Variants in CNTN5 observed in about 807,000 individuals in gnomAD.
CNTN5 encodes the protein contactin 5.
A neutral mutation model predicts 129.1 loss-of-function variants in CNTN5; 77 were observed. The ratio of observed to expected loss-of-function variants is 0.60; its 90% CI spans 0.50 to 0.72. The LOEUF is 0.72. Ranked by LOEUF, CNTN5 falls within the 30% of genes least tolerant of loss-of-function variation. The pLI is 0.00. For missense variants in CNTN5, 1,478 were observed against 1,328.8 expected (o/e 1.11, Z -1.75); for synonymous variants, 509 against 465.6 (o/e 1.09, Z -1.20).
intron 4 of CNTN5, among the ~76,000 whole-genome samples, chr11:99,842,304 A>G (rs1305055935): frequency 6.6e-6 from 1 of 152,216 alleles, no homozygotes; most frequent in Non-Finnish European, 1.5e-5. Context: ...GATATTATGC[A>G]TGAGAAGTAT....
chr11:99,191,884 T>C (rs1858661184), intron 1 of CNTN5, among the ~76,000 whole-genome samples: 1 of 151,696 alleles, frequency 6.6e-6, no homozygotes, highest in Non-Finnish European at 1.5e-5. Flanking sequence ...AACTTAACAT[T>C]TTCCTCAAGT....
At chr11:99,056,157 C>T (rs1353700470) in intron 1 of CNTN5, among the ~76,000 whole-genome samples, 1 of 151,642 alleles carries the variant, frequency 6.6e-6, no homozygotes, top group Non-Finnish European at 1.5e-5. Context: ...TACTTTATTT[C>T]AAACTATAAA....
At chr11:99,940,068 C>A (rs1950401105) in intron 7 of CNTN5, among the ~76,000 whole-genome samples, 1 of 152,088 alleles carries the variant, frequency 6.6e-6, no homozygotes, top group African/African-American at 2.4e-5. Context: ...TTTTTAATTT[C>A]TTTAATAGGA....
intron 14 of CNTN5, among the ~76,000 whole-genome samples, chr11:100,192,854 T>C (rs1948532550): frequency 1.3e-5 from 2 of 152,048 alleles, no homozygotes; most frequent in Admixed American, 1.3e-4. Flanking sequence ...TCTACCTTTC[T>C]TTATATATGC....
At chr11:99,447,597 T>C (rs1223389372) in intron 2 of CNTN5, among the ~76,000 whole-genome samples, 2 of 152,224 alleles carry the variant, frequency 1.3e-5, no homozygotes, top group African/African-American at 2.4e-5. Context: ...TTATTGTACA[T>C]ATTAAAGTAA....
At chr11:99,358,530 C>T (rs1319114142) in intron 2 of CNTN5, among the ~76,000 whole-genome samples, 2 of 151,474 alleles carry the variant, frequency 1.3e-5, no homozygotes, top group East Asian at 2.0e-4. Context: ...CACTGCACTC[C>T]AGCCTGGCGA....
At chr11:100,083,332 A>AAT (rs1944431469) in intron 13 of CNTN5, among the ~76,000 whole-genome samples, 1 of 146,644 alleles carries the variant, frequency 6.8e-6, no homozygotes. Context: ...AAAAAAAAAA[A>AAT]GAGAGATGGG....
chr11:99,667,877 CA>C (rs753106115), intron 3 of CNTN5, among the ~76,000 whole-genome samples: 2 of 151,902 alleles, frequency 1.3e-5, no homozygotes, highest in Non-Finnish European at 2.9e-5. Flanking sequence ...ATCTGTGTAA[CA>C]AACCACCATG....
At chr11:99,390,360 C>T (rs1442749240) in intron 2 of CNTN5, among the ~76,000 whole-genome samples, 1 of 152,140 alleles carries the variant, frequency 6.6e-6, no homozygotes, top group Non-Finnish European at 1.5e-5. Flanking sequence ...TCAAACTATC[C>T]TCCAGTCTCA....
chr11:100,357,522 A>C lies in CNTN5; in HGVS notation c.*1302A>C, dbSNP rs1952550505. The C allele has an allele frequency of 6.6e-6, 1 of 151,776 alleles. No individual in the cohort carries two copies. The highest frequency in any genetic ancestry group is 1.5e-5 in the Non-Finnish European group (1 of 67,810). The allele number at this position is 151,776 out of a possible 1,614,324, so 9.4% of individuals were successfully genotyped here. On this transcript the variant is annotated 3_prime_UTR_variant, in exon 25 of 25. Coordinates refer to ENST00000524871, the MANE Select transcript of CNTN5 (RefSeq NM_014361.4). ...TTGATGATATCTTAAAGAAGTTCTA[A>C]CAAGCACAAGAATGTGCCAGAGTTG...
At chr11:100,298,056 G>C (rs1189957759) in intron 19 of CNTN5, among the ~76,000 whole-genome samples, 1 of 151,328 alleles carries the variant, frequency 6.6e-6, no homozygotes, top group Admixed American at 6.6e-5. Context: ...GGAGATGAAG[G>C]GGGAGGGGGT....
At chr11:99,584,190 C>T (rs937985002) in intron 3 of CNTN5, among the ~76,000 whole-genome samples, 5 of 152,128 alleles carry the variant, frequency 3.3e-5, no homozygotes, top group South Asian at 2.1e-4. Context: ...AATTGTTCAA[C>T]GTTGTTCCCT....
At chr11:100,000,412 C>T (rs1023417394) in intron 8 of CNTN5, among the ~76,000 whole-genome samples, 1 of 152,248 alleles carries the variant, frequency 6.6e-6, no homozygotes, top group Non-Finnish European at 1.5e-5. Context: ...GTCTCCTTGA[C>T]TCCATGTCTC....
chr11:99,773,024 G>A (rs1486816508), intron 3 of CNTN5, among the ~76,000 whole-genome samples: 2 of 151,878 alleles, frequency 1.3e-5, no homozygotes, highest in Admixed American at 1.3e-4. Flanking sequence ...ATGCACAGGT[G>A]GTAAATTGCC....
chr11:100,171,746 A>G (rs1381330846), intron 13 of CNTN5, among the ~76,000 whole-genome samples: 1 of 151,982 alleles, frequency 6.6e-6, no homozygotes, highest in Non-Finnish European at 1.5e-5. Flanking sequence ...TCTTTGTGAG[A>G]TCAATTTCTC....
chr11:99,042,365 CTTTTTTTTT>C (rs1210153589), intron 1 of CNTN5, among the ~76,000 whole-genome samples: 5 of 83,790 alleles, frequency 6.0e-5, no homozygotes, highest in South Asian at 4.4e-4. Flanking sequence ...TCTTCTTCTT[CTTTTTTTTT>C]TTTTTTTTTT....
intron 23 of CNTN5, 98 bp from the exon 24 acceptor site, chr11:100,350,604 G>A (rs1295670829): frequency 7.2e-6 from 6 of 837,306 alleles, no homozygotes; most frequent in South Asian, 4.2e-5. Flanking sequence ...TAAACTGTAA[G>A]CTCCTTGTGC....
intron 13 of CNTN5, among the ~76,000 whole-genome samples, chr11:100,178,030 G>A (rs1948024699): frequency 6.6e-6 from 1 of 152,112 alleles, no homozygotes; most frequent in African/African-American, 2.4e-5. Flanking sequence ...GGCAAAAGCA[G>A]AGAGTACCAT....
At chr11:100,039,778 G>T (rs1942263079) in intron 9 of CNTN5, among the ~76,000 whole-genome samples, 1 of 152,136 alleles carries the variant, frequency 6.6e-6, no homozygotes. Flanking sequence ...TGAGGCTTCT[G>T]CATTCGTCAC....
Sources: allele counts gnomAD v4.1 joint callset (sites outside exome capture counted in the v4.1 genomes callset), GRCh38; gene constraint gnomAD v4.1.1; transcripts MANE v1.5; gene names NCBI Gene and HGNC (gene_info 2026-07-23, HGNC 2026-07-21).